Variants in DOK5 observed in about 807,000 individuals in gnomAD.
The protein encoded by DOK5 is docking protein 5.
In DOK5, 27 loss-of-function variants were observed where a neutral mutation model predicts 43.3. The ratio of observed to expected loss-of-function variants is 0.62; its 90% CI spans 0.46 to 0.86. The LOEUF (loss-of-function observed/expected upper bound fraction) is 0.86, where lower values mean the gene tolerates loss of function less well. Among genes scored for constraint, DOK5 ranks in the 40% least tolerant of loss-of-function variants. DOK5 has a pLI of 0.00. For missense variants in DOK5, 373 were observed against 392.9 expected, an observed-to-expected ratio of 0.95 and a Z score of 0.43; for synonymous variants, 146 against 140.1, an observed-to-expected ratio of 1.04 and a Z score of -0.30.
At chr20:54,562,274 G>A (rs1984934556) in intron 2 of DOK5, among the ~76,000 whole-genome samples, 1 of 152,168 alleles carries the variant, frequency 6.6e-6, no homozygotes, top group Non-Finnish European at 1.5e-5. Flanking sequence ...TAGTAGAAAT[G>A]TTAGGGAACC....
chr20:54,534,251 A>G (rs941410871), intron 1 of DOK5, among the ~76,000 whole-genome samples: 5 of 152,194 alleles, frequency 3.3e-5, no homozygotes, highest in Admixed American at 1.3e-4. Flanking sequence ...CAGTGGTGCA[A>G]TCATGGCTCA....
chr20:54,608,658 C>T (rs1245688094), intron 5 of DOK5, among the ~76,000 whole-genome samples: 2 of 140,800 alleles, frequency 1.4e-5, no homozygotes, highest in East Asian at 3.9e-4. Context: ...CCCTCTATTT[C>T]TTCTTCTTCT....
intron 1 of DOK5, among the ~76,000 whole-genome samples, chr20:54,478,843 T>C (rs948870330): frequency 1.3e-5 from 2 of 152,204 alleles, no homozygotes; most frequent in Non-Finnish European, 2.9e-5. Context: ...TTTTCTTTAA[T>C]CAAAGATGAG....
At position 54,489,792 on chromosome 20, in the gene DOK5, T is replaced by C. The variant is rs1216533624; in HGVS notation, c.66+13780T>C. Among the ~76,000 whole-genome samples, 2 of 152,164 alleles carry C rather than the reference T, an allele frequency of 1.3e-5. 1 individual carries two copies. On this transcript the variant is annotated intron_variant, in intron 1 of 7. Coordinates refer to ENST00000262593, the MANE Select transcript of DOK5 (RefSeq NM_018431.5). ...ATTTTTTTTCCTCTGTTACAAACAG[T>C]GCTATAGACCACCCCTCATCATACC...
intron 7 of DOK5, among the ~76,000 whole-genome samples, chr20:54,646,537 GC>G (rs1348020768): frequency 6.6e-6 from 1 of 152,038 alleles, no homozygotes; most frequent in East Asian, 1.9e-4. Context: ...ATAGATATCA[GC>G]CACTGCACCC....
chr20:54,612,641 C>T (rs1217923020), intron 6 of DOK5, among the ~76,000 whole-genome samples: 2 of 152,142 alleles, frequency 1.3e-5, no homozygotes, highest in Non-Finnish European at 2.9e-5. Context: ...CTCCTTTGGC[C>T]TTCAAATCCA....
Position 54,480,929 on chromosome 20 carries a change from C to CT in DOK5, c.66+4917_66+4918insT, listed in dbSNP as rs113978774. ...TCTATCTATCTATCTATCTATCAAT[C>CT]ATCTATCATCTATCTATCTATCATC... On this transcript the variant is annotated intron_variant, in intron 1 of 7. Transcript: ENST00000262593. Among the ~76,000 whole-genome samples the CT allele has an allele frequency of 6.9e-4, 86 of 125,290 alleles. 2 individuals carry two copies. The highest frequency in any genetic ancestry group is 1.8e-3 in the African/African-American group (54 of 29,300). The allele number at this position is 125,290 out of a possible 152,430, so 82.2% of individuals were successfully genotyped here. A position where few individuals can be genotyped will look rare whatever the true frequency, so the allele number is the denominator to read the frequency against.
intron 2 of DOK5, among the ~76,000 whole-genome samples, chr20:54,559,290 A>G (rs1984820941): frequency 6.6e-6 from 1 of 152,232 alleles, no homozygotes; most frequent in East Asian, 1.9e-4. Context: ...GGTGAGAAGT[A>G]TGCCGGTCCT....
intron 1 of DOK5, among the ~76,000 whole-genome samples, chr20:54,525,426 T>C (rs915595801): frequency 2.6e-5 from 4 of 152,224 alleles, no homozygotes; most frequent in Non-Finnish European, 4.4e-5. Flanking sequence ...AAAACATCCA[T>C]TGAAGTACCC....
At chr20:54,543,736 CA>C (rs1399514704) in intron 1 of DOK5, among the ~76,000 whole-genome samples, 2 of 152,080 alleles carry the variant, frequency 1.3e-5, no homozygotes, top group African/African-American at 2.4e-5. Flanking sequence ...GATTAAAAAG[CA>C]GGGGCAACCT....
At chr20:54,538,233 T>A (rs573702141) in intron 1 of DOK5, among the ~76,000 whole-genome samples, 1 of 151,910 alleles carries the variant, frequency 6.6e-6, no homozygotes, top group Non-Finnish European at 1.5e-5. Context: ...TAAGTCACAG[T>A]TTCCAAGAAC....
intron 6 of DOK5, among the ~76,000 whole-genome samples, chr20:54,613,915 C>T (rs573091807): frequency 6.6e-6 from 1 of 151,902 alleles, no homozygotes; most frequent in Admixed American, 6.6e-5. Context: ...GATACTTTGG[C>T]CCCAGGAATT....
At chr20:54,545,549 G>A (rs1160641482) in intron 1 of DOK5, among the ~76,000 whole-genome samples, 1 of 152,202 alleles carries the variant, frequency 6.6e-6, no homozygotes, top group East Asian at 1.9e-4. Context: ...GCAAAAGGCT[G>A]AGAGTTAGAG....
intron 2 of DOK5, among the ~76,000 whole-genome samples, chr20:54,579,564 C>A (rs1985568519): frequency 6.6e-6 from 1 of 152,134 alleles, no homozygotes; most frequent in South Asian, 2.1e-4. Flanking sequence ...CCATTCCCCT[C>A]TCCCTGCAGT....
rs140999877 is a variant in DOK5 at position 54,622,620 on chromosome 20, A to G, written c.735+12097A>G. ...GATCGTGGCTTTGTTTATAAACTCG[A>G]AAACTAGTTTTAATACTTGAGATGG... On this transcript the variant is annotated intron_variant, in intron 6 of 7. Coordinates refer to ENST00000262593, the MANE Select transcript of DOK5 (RefSeq NM_018431.5). 1.2e-3 allele frequency among the ~76,000 whole-genome samples: 179 copies of G among 152,284 alleles called. No individual in the cohort carries two copies. The Middle Eastern group carries it at 0.017, about 14-fold the overall frequency.
intron 5 of DOK5, among the ~76,000 whole-genome samples, chr20:54,604,805 A>C (rs1986412681): frequency 6.6e-6 from 1 of 152,018 alleles, no homozygotes; most frequent in Non-Finnish European, 1.5e-5. Context: ...GTTCGAGACC[A>C]GCCTGGCCAA....
intron 5 of DOK5, among the ~76,000 whole-genome samples, chr20:54,607,290 A>C (rs2870332): frequency 0.4 from 60,499 of 152,092 alleles, 16,577 homozygotes; most frequent in African/African-American, 0.77. Flanking sequence ...TAGCTGCGCT[A>C]CCTCTACCCT....
intron 5 of DOK5, among the ~76,000 whole-genome samples, chr20:54,604,361 T>A (rs1986399107): frequency 1.3e-5 from 2 of 152,110 alleles, no homozygotes; most frequent in Admixed American, 1.3e-4. Context: ...CGGATCTGTT[T>A]CTCTCAGGTT....
At chr20:54,478,745 T>G (rs1357064739) in intron 1 of DOK5, among the ~76,000 whole-genome samples, 3 of 152,220 alleles carry the variant, frequency 2.0e-5, no homozygotes, top group African/African-American at 7.2e-5. Flanking sequence ...GTCTGTACAA[T>G]GAACACTATT....
Sources: allele counts gnomAD v4.1 joint callset (sites outside exome capture counted in the v4.1 genomes callset), GRCh38; gene constraint gnomAD v4.1.1; transcripts MANE v1.5; gene names NCBI Gene and HGNC (gene_info 2026-07-23, HGNC 2026-07-21).